RGPD2: variants seen among roughly 807,000 people sequenced by gnomAD.
RGPD2 encodes RANBP2 like and GRIP domain containing 2.
Under a neutral mutation model 36.0 loss-of-function variants are expected in RGPD2, and 2 were observed. The observed-to-expected ratio is 0.06, with a 90% CI of 0.02 to 0.17. The LOEUF (loss-of-function observed/expected upper bound fraction) is 0.17. RGPD2 is among the 10% of genes least tolerant of loss of function. The probability of loss-of-function intolerance (pLI) is 1.00; values close to 1 mark genes in which losing one functional copy is unlikely to be tolerated. For synonymous variants in RGPD2, 19 were observed against 163.8 expected, an observed-to-expected ratio of 0.12 and a Z score of 6.75; for missense variants, 40 against 464.3, an observed-to-expected ratio of 0.09 and a Z score of 8.40.
chr2:87,915,361 A>ATATATATATGTATATTATATATATTG, the RGPD2 span, among the ~76,000 whole-genome samples: 31 of 90,712 alleles, frequency 3.4e-4, 1 homozygote, highest in Admixed American at 6.9e-4. Context: ...TATATATTAT[A>ATATATATATGTATATTATATATATTG]TATATATGTA....
chr2:87,988,821 G>A, the RGPD2 span, among the ~76,000 whole-genome samples: 1 of 151,936 alleles, frequency 6.6e-6, no homozygotes, highest in African/African-American at 2.4e-5. Context: ...GATTACAGGT[G>A]TGAGCCACCA....
At chr2:87,824,951 C>G in intron 1 of RGPD2, 1 of 383,070 alleles carries the variant, frequency 2.6e-6, no homozygotes, top group Non-Finnish European at 4.6e-6. Flanking sequence ...AATGCCCCAA[C>G]TAAATACTAC....
At chr2:87,915,166 T>C in the RGPD2 span, among the ~76,000 whole-genome samples, 1 of 151,156 alleles carries the variant, frequency 6.6e-6, no homozygotes, top group Non-Finnish European at 1.5e-5. Flanking sequence ...TAAAATAAAC[T>C]AAATAAAAAG....
the RGPD2 span, among the ~76,000 whole-genome samples, chr2:87,984,636 A>G: frequency 6.8e-6 from 1 of 147,652 alleles, no homozygotes; most frequent in Admixed American, 6.9e-5. Context: ...CAAGTTTTAA[A>G]AATGGATTTG....
the RGPD2 span, among the ~76,000 whole-genome samples, chr2:87,878,320 T>C: frequency 7.3e-6 from 1 of 136,426 alleles, no homozygotes; most frequent in South Asian, 2.2e-4. Context: ...CCTATTCTGC[T>C]CCTGATACTT....
At chr2:87,967,408 CAA>C in the RGPD2 span, among the ~76,000 whole-genome samples, 1 of 121,032 alleles carries the variant, frequency 8.3e-6, no homozygotes, top group African/African-American at 3.2e-5. Flanking sequence ...GACTCCATCT[CAA>C]AAAAAAAAAA....
the RGPD2 span, among the ~76,000 whole-genome samples, chr2:87,882,866 T>A: frequency 1.3e-5 from 2 of 152,088 alleles, no homozygotes; most frequent in Non-Finnish European, 1.5e-5. Context: ...CACTGTTTTT[T>A]AAATTTTTTT....
the RGPD2 span, among the ~76,000 whole-genome samples, chr2:87,856,970 A>G: frequency 6.6e-6 from 1 of 152,170 alleles, no homozygotes; most frequent in African/African-American, 2.4e-5. Context: ...TTAGGACACT[A>G]CTCAAATTGT....
chr2:87,871,778 T>A, the RGPD2 span, among the ~76,000 whole-genome samples: 1 of 149,692 alleles, frequency 6.7e-6, no homozygotes, highest in Non-Finnish European at 1.5e-5. Context: ...GGCAGGAGAA[T>A]CGCTTGAACC....
chr2:87,927,509 C>T, the RGPD2 span, among the ~76,000 whole-genome samples: 1 of 150,368 alleles, frequency 6.7e-6, no homozygotes, highest in African/African-American at 2.5e-5. Flanking sequence ...CTATGTACAG[C>T]ATCTGAGATT....
At chr2:87,970,281 C>T in the RGPD2 span, among the ~76,000 whole-genome samples, 1 of 151,514 alleles carries the variant, frequency 6.6e-6, no homozygotes, top group Non-Finnish European at 1.5e-5. Context: ...ATTTTTGCTC[C>T]AGATATTATA....
the RGPD2 span, among the ~76,000 whole-genome samples, chr2:87,831,280 A>G: frequency 6.6e-6 from 1 of 152,100 alleles, no homozygotes; most frequent in Non-Finnish European, 1.5e-5. Flanking sequence ...CAGGGCAATA[A>G]TGATTTTTTT....
At chr2:87,840,536 T>C in the RGPD2 span, among the ~76,000 whole-genome samples, 1 of 152,032 alleles carries the variant, frequency 6.6e-6, no homozygotes, top group African/African-American at 2.4e-5. Context: ...TGGATGTATT[T>C]TAAAAAAAAA....
the RGPD2 span, among the ~76,000 whole-genome samples, chr2:87,877,698 G>A: frequency 1.4e-4 from 21 of 151,788 alleles, no homozygotes; most frequent in East Asian, 1.5e-3. Flanking sequence ...CCAGCTACTC[G>A]GGAGTCTGAG....
chr2:87,893,419 G>A, the RGPD2 span, among the ~76,000 whole-genome samples: 4 of 146,548 alleles, frequency 2.7e-5, no homozygotes, highest in Non-Finnish European at 6.0e-5. Flanking sequence ...AGCTGGATCT[G>A]GAGCTCTCTA....
chr2:87,879,332 A>G, the RGPD2 span, among the ~76,000 whole-genome samples: 1 of 152,062 alleles, frequency 6.6e-6, no homozygotes. Flanking sequence ...TAAAATGTAT[A>G]ATTAAATTAT....
At chr2:87,825,179 T>C (rs989893957) in intron 1 of RGPD2, 24 of 392,244 alleles carry the variant, frequency 6.1e-5, no homozygotes, top group Non-Finnish European at 1.0e-4. Flanking sequence ...ATCATTCTAT[T>C]TCCCCCTCTA....
the RGPD2 span, among the ~76,000 whole-genome samples, chr2:87,929,582 G>GT: frequency 1.3e-5 from 2 of 150,648 alleles, no homozygotes; most frequent in African/African-American, 4.9e-5. Flanking sequence ...ATTTAAAATA[G>GT]TTTTCTCCAG....
At chr2:87,886,532 G>A in the RGPD2 span, among the ~76,000 whole-genome samples, 1 of 151,662 alleles carries the variant, frequency 6.6e-6, no homozygotes, top group South Asian at 2.1e-4. Flanking sequence ...AAATTTCTTT[G>A]GTCCTCTCTA....
Sources: allele counts gnomAD v4.1 joint callset (sites outside exome capture counted in the v4.1 genomes callset), GRCh38; gene constraint gnomAD v4.1.1; transcripts MANE v1.5; gene names NCBI Gene and HGNC (gene_info 2026-07-23, HGNC 2026-07-21).